Variants in GANC observed in about 807,000 individuals in gnomAD.
GANC encodes the protein neutral alpha-glucosidase C.
Under a neutral mutation model 124.2 loss-of-function variants are expected in GANC, and 117 were observed. The observed-to-expected ratio is 0.94, with a 90% confidence interval of 0.81 to 1.10. The LOEUF is 1.10. Ranked by LOEUF, GANC falls within the 50% of genes least tolerant of loss-of-function variation. The pLI is 0.00. For missense variants in GANC, 1,140 were observed against 1,095.0 expected (o/e 1.04, Z -0.58); for synonymous variants, 377 against 376.8 (o/e 1.00, Z -0.01).
Position 42,340,718 on chromosome 15 carries a change from C to G in GANC, c.2116C>G (p.Leu706Val). The change falls in exon 18 of 24, where the codon CTA (leucine) becomes GTA (valine). Residue 706 changes from leucine to valine, a missense_variant. Transcript: ENST00000318010. ...RPLWVEFPDE[L>V]KTFDMEDEYM... The stretch of plus-strand genomic sequence containing the variant: ...TCTGTGGGTAGAGTTCCCTGATGAA[C>G]TAAAGACTTTTGATATGGAAGATGA... 6.2e-7 allele frequency: 1 copy of G among 1,601,494 alleles called. No individual in the cohort carries two copies. The highest frequency in any genetic ancestry group is 1.1e-5 in the South Asian group (1 of 89,754).
rs1291267292 is a variant in GANC, at chr15:42,352,905, AG to A, written c.*768del. 4.4e-6 allele frequency: 2 copies of A among 458,088 alleles called. No individual in the cohort carries two copies. The highest frequency in any genetic ancestry group is 4.3e-5 in the African/African-American group (2 of 46,896). 28.4% of individuals were successfully genotyped at this position (458,088 alleles called of 1,614,324 possible). On this transcript the variant is annotated 3_prime_UTR_variant, in exon 24 of 24. Transcript: ENST00000318010. ...AGAAGTAGAACTCATGACTGGGACT[AG>A]GATGAGGCAAGGGAGACCCTGGCCT...
intron 4 of GANC, among the ~76,000 whole-genome samples, chr15:42,289,343 A>G (rs938768949): frequency 6.6e-6 from 1 of 152,168 alleles, no homozygotes; most frequent in African/African-American, 2.4e-5. Flanking sequence ...AGGTGGCATG[A>G]TCCTAGAGCC....
chr15:42,297,649 C>A lies in GANC; in HGVS notation c.551C>A (p.Thr184Asn). The A allele has an allele frequency of 1.9e-6, 3 of 1,607,268 alleles. No homozygotes were observed. The South Asian group carries it at 3.3e-5, about 18-fold the overall frequency. Reference protein sequence around the residue: ...KENEEETSVDTSQENQEDLGL... With the variant: ...KENEEETSVDNSQENQEDLGL... ...AATGAGGAGGAGACATCAGTGGACA[C>A]CTCTCAGGTAATCTAGATTGATCCA... Residue 184 changes from threonine (T) to asparagine (N), a missense_variant, in exon 6 of 24, where the codon ACC becomes AAC. Coordinates refer to ENST00000318010, the MANE Select transcript of GANC (RefSeq NM_198141.3).
chr15:42,301,853 A>G (rs551660791), intron 6 of GANC, among the ~76,000 whole-genome samples: 7 of 152,300 alleles, frequency 4.6e-5, no homozygotes, highest in East Asian at 1.9e-4. Flanking sequence ...AGCAGCCCCA[A>G]TCGGGCTTAT....
chr15:42,346,976 G>C (rs2052370444), intron 20 of GANC, among the ~76,000 whole-genome samples: 1 of 152,120 alleles, frequency 6.6e-6, no homozygotes, highest in African/African-American at 2.4e-5. Flanking sequence ...CCAACTTTCA[G>C]ATCTAGAAGA....
Position 42,321,914 on chromosome 15 carries a change from GGCTGGACATAGA to G in GANC, c.1190_1201del (p.Leu397_Glu400del). 2 of 1,614,186 alleles carry G rather than the reference GGCTGGACATAGA, an allele frequency of 1.2e-6. No individual in the cohort carries two copies. Among genetic ancestry groups the G allele is most frequent in the Non-Finnish European group, 1.7e-6 (2 of 1,180,034 alleles). Reference sequence around the variant, plus strand: ...CATGACATTCCTTATGATGCCATGTGGCTGGACATAGAGCACACTGAGGGCAAGAGGTACTTC... The same window carrying G: ...CATGACATTCCTTATGATGCCATGTGGCACACTGAGGGCAAGAGGTACTTC... On this transcript the variant is annotated inframe_deletion, in exon 11 of 24. Transcript: ENST00000318010.
intron 3 of GANC, among the ~76,000 whole-genome samples, chr15:42,286,099 G>A (rs527431409): frequency 6.6e-6 from 1 of 151,354 alleles, no homozygotes; most frequent in East Asian, 1.9e-4. Flanking sequence ...ATCATATATA[G>A]GCAGACCACC....
At position 42,345,803 on chromosome 15, in the gene GANC, A is replaced by G. The variant is rs1359464032; in HGVS notation, c.2275A>G (p.Thr759Ala). The G allele has an allele frequency of 1.2e-6, 2 of 1,611,986 alleles. No homozygotes were observed. The highest frequency in any genetic ancestry group is 2.2e-5 in the East Asian group (1 of 44,878). The change falls in exon 20 of 24, where the codon ACT becomes GCT. Residue 759 changes from threonine (T) to alanine (A), a missense_variant. Physicochemically the swap from Thr to Ala is moderately conservative, Grantham distance 58. Coordinates refer to ENST00000318010, the MANE Select transcript of GANC (RefSeq NM_198141.3). ...KTFAHWEGGCTVKIPVALDTI... is the reference protein window; with the variant it reads ...KTFAHWEGGCAVKIPVALDTI... ...ATTTGCTCATTGGGAAGGAGGGTGT[A>G]CTGTAAAGATCCCAGTAGCCTTGGA...
intron 10 of GANC, chr15:42,314,059 G>A (rs2052080963): frequency 8.5e-6 from 6 of 708,140 alleles, no homozygotes; most frequent in Non-Finnish European, 1.5e-5. Context: ...AAAGTTCTGT[G>A]ACAGCCTACC....
intron 17 of GANC, among the ~76,000 whole-genome samples, chr15:42,340,300 G>A (rs536867773): frequency 3.3e-5 from 5 of 152,190 alleles, no homozygotes; most frequent in South Asian, 4.1e-4. Context: ...TCTTTGGCAC[G>A]TTCCCATTTC....
At chr15:42,274,619 CTT>C in intron 1 of GANC, 109 bp downstream of exon 1, 3 of 1,097,344 alleles carry the variant, frequency 2.7e-6, no homozygotes, top group Middle Eastern at 4.0e-4. Context: ...TGACCTTTAT[CTT>C]TTCTCTCAAT....
In GANC at chr15:42,352,026, T is replaced by G. The variant is rs1292307526; in HGVS notation, c.2636-4T>G. On this transcript the variant is annotated splice_region_variant and splice_polypyrimidine_tract_variant and intron_variant, in intron 23 of 23. Transcript: ENST00000318010. ...TTTCCCTCTTTTATTGTCTTGCTAT[T>G]TAGATGGTAAAGATCAGCCTGTGGC... 1 of 1,614,036 alleles carries G rather than the reference T, an allele frequency of 6.2e-7. No individual in the cohort carries two copies. The highest frequency in any genetic ancestry group is 1.1e-5 in the South Asian group (1 of 91,062).
chr15:42,306,205 T>A (rs531911270), intron 6 of GANC, among the ~76,000 whole-genome samples: 1 of 152,188 alleles, frequency 6.6e-6, no homozygotes, highest in Non-Finnish European at 1.5e-5. Context: ...TTTTGTATTT[T>A]TAGTAGTTCA....
chr15:42,343,305 T>C (rs556100704), intron 19 of GANC, 151 bp downstream of exon 19: 50 of 634,810 alleles, frequency 7.9e-5, no homozygotes, highest in Non-Finnish European at 1.4e-4. Flanking sequence ...ACCACTGTCC[T>C]CAGAGGTCAA....
chr15:42,276,045 C>G (rs2051667819), intron 1 of GANC, among the ~76,000 whole-genome samples: 1 of 152,160 alleles, frequency 6.6e-6, no homozygotes, highest in Non-Finnish European at 1.5e-5. Context: ...CTTTTGTGGT[C>G]ATAGCCTTCA....
At position 42,352,077 on chromosome 15, in the gene GANC, A is replaced by G. The variant is rs979206589; in HGVS notation, c.2683A>G (p.Ile895Val). The change falls in exon 24 of 24, where the codon ATC becomes GTC. Residue 895 changes from isoleucine to valine, a missense_variant. By Grantham distance (29) the Ile-to-Val change is conservative (BLOSUM62 3). Transcript: ENST00000318010. ...VAFTYCAKTS[I>V]LSLEKLSLNI... is the part of the protein sequence containing the mutation. ...TTTTACGTATTGTGCCAAAACATCCATCCTGAGCCTGGAGAAGCTCTCACT... is the reference window on the plus strand; with the variant it reads ...TTTTACGTATTGTGCCAAAACATCCGTCCTGAGCCTGGAGAAGCTCTCACT... 2 of 1,614,168 alleles carry G rather than the reference A, an allele frequency of 1.2e-6. No individual in the cohort carries two copies. The highest frequency in any genetic ancestry group is 1.7e-5 in the Admixed American group (1 of 60,022).
intron 10 of GANC, among the ~76,000 whole-genome samples, chr15:42,320,968 A>G (rs1256136317): frequency 6.6e-6 from 1 of 152,010 alleles, no homozygotes; most frequent in Non-Finnish European, 1.5e-5. Context: ...CTCCACTCCC[A>G]TTCTCTTTGT....
chr15:42,298,029 A>T (rs1441122178), intron 6 of GANC, among the ~76,000 whole-genome samples: 2 of 152,194 alleles, frequency 1.3e-5, no homozygotes, highest in African/African-American at 4.8e-5. Flanking sequence ...GTGTTACAAA[A>T]TGGTGCTGTA....
intron 10 of GANC, chr15:42,314,735 T>TCTG (rs1487942131): frequency 6.6e-6 from 1 of 152,356 alleles, no homozygotes; most frequent in Non-Finnish European, 1.5e-5. Context: ...TAACCTGAAT[T>TCTG]CTGTTAAAAC....
Sources: allele counts gnomAD v4.1 joint callset (sites outside exome capture counted in the v4.1 genomes callset), GRCh38; gene constraint gnomAD v4.1.1; transcripts MANE v1.5; gene names NCBI Gene and HGNC (gene_info 2026-07-23, HGNC 2026-07-21).